The following TDRD7 variants were observed in gnomAD, a reference collection of about 807,000 sequenced individuals.
TDRD7 encodes tudor domain-containing protein 7.
A neutral mutation model predicts 109.8 loss-of-function variants in TDRD7; 47 were observed. The observed-to-expected ratio is 0.43, with a 90% CI of 0.34 to 0.55. The LOEUF is 0.55. Among genes scored for constraint, TDRD7 ranks in the 20% least tolerant of loss-of-function variants. The probability of loss-of-function intolerance (pLI) is 0.03; values close to 1 mark genes in which losing one functional copy is unlikely to be tolerated. For missense variants in TDRD7, 1,164 were observed against 1,319.2 expected, an observed-to-expected ratio of 0.88 and a Z score of 1.82; for synonymous variants, 424 against 457.3, an observed-to-expected ratio of 0.93 and a Z score of 0.93.
At chr9:97,475,353 A>G (rs1190407118) in intron 11 of TDRD7, 30 bp from the exon 12 acceptor site, 11 of 1,536,010 alleles carry the variant, frequency 7.2e-6, no homozygotes, top group Non-Finnish European at 9.9e-6. Context: ...GCTAAGAGTA[A>G]TAAGAGTATC....
intron 13 of TDRD7, 63 bp downstream of exon 13, chr9:97,478,636 G>C: frequency 1.2e-6 from 2 of 1,603,520 alleles, no homozygotes; most frequent in Non-Finnish European, 1.7e-6. Flanking sequence ...TAATCTTATT[G>C]TAAGATGCCT....
chr9:97,466,820 A>G (rs148236765), intron 8 of TDRD7, among the ~76,000 whole-genome samples: 79 of 152,302 alleles, frequency 5.2e-4, no homozygotes, highest in Non-Finnish European at 9.1e-4. Context: ...AAAGGGCAAA[A>G]GGAGACTTTT....
At chr9:97,494,714 T>TATA (rs1564219961) in intron 16 of TDRD7, among the ~76,000 whole-genome samples, 1 of 72,910 alleles carries the variant, frequency 1.4e-5, no homozygotes, top group African/African-American at 5.6e-5. Flanking sequence ...ATATATATAT[T>TATA]TTTTTTTTTT....
rs538869118 is a variant in TDRD7 at position 97,458,013 on chromosome 9, A to G, written c.856-2165A>G. Among the ~76,000 whole-genome samples the G allele has an allele frequency of 2.8e-4, 42 of 152,256 alleles. No homozygotes were observed. The South Asian group carries it at 8.3e-3, about 30-fold the overall frequency. ...TATTAGGGGCCTATTAGGGTGGTTG[A>G]GGGGAGGGAACTTAGAGGGCAGGTG... On this transcript the variant is annotated intron_variant, in intron 6 of 16. Coordinates refer to ENST00000355295, the MANE Select transcript of TDRD7 (RefSeq NM_014290.3).
intron 6 of TDRD7, among the ~76,000 whole-genome samples, chr9:97,450,676 T>C (rs891529313): frequency 1.3e-5 from 2 of 152,138 alleles, no homozygotes; most frequent in Admixed American, 1.3e-4. Flanking sequence ...GGGATACATA[T>C]AGTAGTAGGT....
At chr9:97,473,081 A>G (rs1828951091) in intron 10 of TDRD7, among the ~76,000 whole-genome samples, 2 of 152,214 alleles carry the variant, frequency 1.3e-5, no homozygotes, top group Admixed American at 1.3e-4. Flanking sequence ...ACCTCTGGAC[A>G]CAGGTTAGAA....
intron 15 of TDRD7, among the ~76,000 whole-genome samples, chr9:97,486,373 T>C (rs1189696542): frequency 6.6e-6 from 1 of 152,220 alleles, no homozygotes; most frequent in Non-Finnish European, 1.5e-5. Context: ...TTTAATGATG[T>C]TGATGTAGCT....
At chr9:97,458,904 A>C (rs1471840576) in intron 6 of TDRD7, among the ~76,000 whole-genome samples, 1 of 152,146 alleles carries the variant, frequency 6.6e-6, no homozygotes, top group African/African-American at 2.4e-5. Flanking sequence ...CATTGTATGG[A>C]GAGTGAAGTA....
chr9:97,447,315 C>T (rs1587871306), intron 6 of TDRD7, among the ~76,000 whole-genome samples: 2 of 152,248 alleles, frequency 1.3e-5, no homozygotes, highest in East Asian at 3.9e-4. Context: ...CTCTCAGTGC[C>T]ACAATCTACT....
At chr9:97,493,582 T>A (rs1449477179) in intron 16 of TDRD7, among the ~76,000 whole-genome samples, 3 of 152,176 alleles carry the variant, frequency 2.0e-5, no homozygotes, top group Non-Finnish European at 4.4e-5. Flanking sequence ...ATTGATAACA[T>A]CTTATCAGGA....
chr9:97,474,320 T>A (rs1828974244), intron 11 of TDRD7, among the ~76,000 whole-genome samples: 1 of 152,196 alleles, frequency 6.6e-6, no homozygotes, highest in Non-Finnish European at 1.5e-5. Flanking sequence ...CTGCCACTTC[T>A]GCCCTTACCC....
intron 4 of TDRD7, among the ~76,000 whole-genome samples, chr9:97,434,134 A>G (rs551640767): frequency 1.8e-4 from 27 of 152,350 alleles, no homozygotes; most frequent in African/African-American, 6.3e-4. Flanking sequence ...GAATGAATGG[A>G]TAAAGAATAT....
chr9:97,468,188 A>G (rs1247414736), intron 8 of TDRD7, among the ~76,000 whole-genome samples: 1 of 152,236 alleles, frequency 6.6e-6, no homozygotes, highest in Admixed American at 6.5e-5. Flanking sequence ...AAATCACAGG[A>G]CAAGATGAGA....
intron 6 of TDRD7, among the ~76,000 whole-genome samples, chr9:97,457,127 T>C (rs1010439965): frequency 6.6e-6 from 1 of 152,068 alleles, no homozygotes; most frequent in Non-Finnish European, 1.5e-5. Flanking sequence ...TGAGATACTA[T>C]CTCATGCCAG....
intron 1 of TDRD7, among the ~76,000 whole-genome samples, chr9:97,420,041 A>T (rs1289259430): frequency 6.6e-6 from 1 of 152,220 alleles, no homozygotes; most frequent in Non-Finnish European, 1.5e-5. Context: ...AGAGAAATAA[A>T]AACATGTGCC....
intron 12 of TDRD7, among the ~76,000 whole-genome samples, chr9:97,477,453 ATC>A (rs1444436118): frequency 1.3e-5 from 2 of 152,224 alleles, no homozygotes; most frequent in Non-Finnish European, 2.9e-5. Context: ...GTTGTAAAGT[ATC>A]TCACAATTTG....
chr9:97,442,158 T>A (rs1587868713), intron 6 of TDRD7, among the ~76,000 whole-genome samples: 1 of 152,352 alleles, frequency 6.6e-6, no homozygotes, highest in East Asian at 1.9e-4. Flanking sequence ...CATTTTATAA[T>A]GATTGAACTG....
At chr9:97,416,646 C>G (rs961343600) in intron 1 of TDRD7, among the ~76,000 whole-genome samples, 4 of 152,132 alleles carry the variant, frequency 2.6e-5, no homozygotes, top group African/African-American at 9.7e-5. Flanking sequence ...TTTGGTGTTG[C>G]GATTGGCTGT....
chr9:97,476,126 C>A (rs899544166), intron 12 of TDRD7, among the ~76,000 whole-genome samples: 8 of 152,264 alleles, frequency 5.3e-5, no homozygotes, highest in African/African-American at 1.9e-4. Flanking sequence ...TTTACTAGAT[C>A]TTGCTTAATT....
Sources: gnomAD v4.1 joint callset for allele counts (sites outside exome capture counted in the v4.1 genomes callset) on GRCh38, gnomAD v4.1.1 for gene constraint, MANE v1.5 for transcripts, NCBI Gene and HGNC (gene_info 2026-07-23, HGNC 2026-07-21) for gene names.